SPINK5: variants seen among roughly 807,000 people sequenced by gnomAD.
SPINK5 encodes serine peptidase inhibitor Kazal type 5.
In SPINK5, 125 loss-of-function variants were observed where a neutral mutation model predicts 151.8. That is an observed-to-expected ratio of 0.82 (90% CI 0.71 to 0.96). The LOEUF (loss-of-function observed/expected upper bound fraction) is 0.96, where lower values mean the gene tolerates loss of function less well. Ranked by LOEUF, SPINK5 falls within the 40% of genes least tolerant of loss-of-function variation. SPINK5 has a pLI of 0.00. For missense variants in SPINK5, 1,194 were observed against 1,291.9 expected (o/e 0.92, Z 1.16); for synonymous variants, 374 against 395.3 (o/e 0.95, Z 0.64).
At chr5:148,088,191 A>T (rs1753210517) in intron 5 of SPINK5, among the ~76,000 whole-genome samples, 1 of 151,852 alleles carries the variant, frequency 6.6e-6, no homozygotes, top group African/African-American at 2.4e-5. Flanking sequence ...GACTTTGTTT[A>T]TTTAAAACAA....
chr5:148,120,152 A>C lies in SPINK5; in HGVS notation c.2441+16A>C. ...AGGAAAAACTGTGAGTATGTTTCAA[A>C]ATGAGCTTTTGACTGTGAGTCTTAA... On this transcript the variant is annotated intron_variant, in intron 25 of 32. Coordinates refer to ENST00000256084, the MANE Select transcript of SPINK5 (RefSeq NM_006846.4). 2.5e-6 allele frequency: 4 copies of C among 1,614,116 alleles called. No homozygotes were observed. The highest frequency in any genetic ancestry group is 3.4e-6 in the Non-Finnish European group (4 of 1,179,964).
chr5:148,089,225 G>A, intron 6 of SPINK5: 1 of 539,534 alleles, frequency 1.9e-6, no homozygotes, highest in Non-Finnish European at 3.5e-6. Context: ...AGGAGATTGG[G>A]AGCAAGTTGA....
chr5:148,103,097 C>A (rs1032827576), intron 15 of SPINK5, among the ~76,000 whole-genome samples: 3 of 152,050 alleles, frequency 2.0e-5, no homozygotes, highest in African/African-American at 4.8e-5. Context: ...CATATTTTCC[C>A]ATAGCATTTG....
intron 7 of SPINK5, 136 bp from the exon 8 acceptor site, chr5:148,091,029 G>T (rs72660254): frequency 2.7e-6 from 2 of 730,788 alleles, no homozygotes; most frequent in Non-Finnish European, 4.6e-6. Context: ...CATTGAAGAC[G>T]GAAATGCTTG....
At chr5:148,121,153 A>G (rs1480488101) in intron 26 of SPINK5, among the ~76,000 whole-genome samples, 1 of 150,670 alleles carries the variant, frequency 6.6e-6, no homozygotes, top group Non-Finnish European at 1.5e-5. Flanking sequence ...CAAAAAAAAA[A>G]AAAAAAAAAA....
chr5:148,084,892 A>G (rs1448159553), intron 4 of SPINK5, among the ~76,000 whole-genome samples: 1 of 151,858 alleles, frequency 6.6e-6, no homozygotes, highest in Non-Finnish European at 1.5e-5. Context: ...TTGTGAGAGC[A>G]CTTACTATAA....
intron 11 of SPINK5, 65 bp downstream of exon 11, chr5:148,098,059 C>CTT: frequency 1.3e-6 from 2 of 1,487,844 alleles, no homozygotes; most frequent in Non-Finnish European, 1.9e-6. Flanking sequence ...ATAGAAACAG[C>CTT]TTCTTTCATA....
chr5:148,078,040 T>C (rs997219975), intron 4 of SPINK5, among the ~76,000 whole-genome samples: 2 of 151,112 alleles, frequency 1.3e-5, no homozygotes, highest in Non-Finnish European at 3.0e-5. Context: ...ACAAAGGAAC[T>C]ATAAGCTATC....
At chr5:148,078,927 C>G (rs1752952043) in intron 4 of SPINK5, among the ~76,000 whole-genome samples, 1 of 150,468 alleles carries the variant, frequency 6.6e-6, no homozygotes, top group Non-Finnish European at 1.5e-5. Context: ...AGGATTGGAG[C>G]AGAAATTAGT....
At chr5:148,066,430 T>G (rs964267421) in intron 2 of SPINK5, among the ~76,000 whole-genome samples, 6 of 152,096 alleles carry the variant, frequency 3.9e-5, no homozygotes, top group Non-Finnish European at 8.8e-5. Context: ...CCACGAACAT[T>G]AAAGGAATAA....
In SPINK5 at chr5:148,137,211, T is replaced by G. The variant is rs1477897598; in HGVS notation, c.*220T>G. ...GGTATAAAGACATCTCCACCAAGTC[T>G]GAGCCCTCAAAATGTCCTGATTACA... is the stretch of plus-strand genomic sequence containing the variant. On this transcript the variant is annotated 3_prime_UTR_variant, in exon 33 of 33. Coordinates refer to ENST00000256084, the MANE Select transcript of SPINK5 (RefSeq NM_006846.4). 3 of 612,308 alleles carry G rather than the reference T, an allele frequency of 4.9e-6. No homozygotes were observed. In the Admixed American group the frequency reaches 8.6e-5, roughly 18 times the overall value. The allele number at this position is 612,308 out of a possible 1,614,324, so 37.9% of individuals were successfully genotyped here.
intron 3 of SPINK5, 88 bp downstream of exon 3, chr5:148,070,538 C>T: frequency 1.9e-6 from 3 of 1,552,674 alleles, no homozygotes; most frequent in South Asian, 2.3e-5. Context: ...CTTTCAAGTG[C>T]ATTTTTCTAA....
At chr5:148,075,855 G>A (rs1752864428) in intron 4 of SPINK5, among the ~76,000 whole-genome samples, 1 of 151,700 alleles carries the variant, frequency 6.6e-6, no homozygotes, top group African/African-American at 2.4e-5. Flanking sequence ...TGCCATTGTT[G>A]AAGAAGGCTA....
In SPINK5 at chr5:148,087,419, A is replaced by G. The variant is rs888125848; in HGVS notation, c.410+887A>G. 2.0e-5 allele frequency among the ~76,000 whole-genome samples: 3 copies of G among 151,822 alleles called. No homozygotes were observed. The East Asian group carries it at 5.8e-4, about 30-fold the overall frequency. ...GGGTATTATAATTATTCACTTTTTG[A>G]GATCCTGCAAGCTTTAGCTCTCCTT... On this transcript the variant is annotated intron_variant, in intron 5 of 32. Transcript: ENST00000256084.
rs748786060 is a variant in SPINK5 at position 148,111,909 on chromosome 5, A to C, written c.1820+14A>C. On this transcript the variant is annotated intron_variant, in intron 19 of 32. Coordinates refer to ENST00000256084, the MANE Select transcript of SPINK5 (RefSeq NM_006846.4). ...TGAAGCCTTCTTGTGAGTGGGCGGC[A>C]GCCACTGCTGCTACTGAGTGTGGGA... 2.5e-6 allele frequency: 4 copies of C among 1,613,940 alleles called. No homozygotes were observed. The highest frequency in any genetic ancestry group is 2.5e-6 in the Non-Finnish European group (3 of 1,179,854).
intron 22 of SPINK5, among the ~76,000 whole-genome samples, chr5:148,117,143 A>G (rs1196214389): frequency 2.0e-5 from 3 of 152,228 alleles, no homozygotes; most frequent in African/African-American, 7.2e-5. Flanking sequence ...ACCTTGGAAT[A>G]TCAAAACCAT....
chr5:148,108,661 G>C, intron 17 of SPINK5, 92 bp from the exon 18 acceptor site: 4 of 1,545,994 alleles, frequency 2.6e-6, no homozygotes, highest in Non-Finnish European at 2.6e-6. Flanking sequence ...GAATCTGACT[G>C]TTGGTTTGGA....
At chr5:148,104,853 G>A (rs991721814) in intron 15 of SPINK5, 99 bp from the exon 16 acceptor site, 39 of 1,110,176 alleles carry the variant, frequency 3.5e-5, no homozygotes, top group East Asian at 5.4e-5. Flanking sequence ...CCGAGATCGC[G>A]CCACTGCACT....
chr5:148,082,852 G>A (rs1366498462), intron 4 of SPINK5, among the ~76,000 whole-genome samples: 1 of 14,032 alleles, frequency 7.1e-5, no homozygotes, highest in Non-Finnish European at 1.0e-4. Flanking sequence ...CTCGTGATCC[G>A]CCCGCCTCGG....
Sources: allele counts gnomAD v4.1 joint callset (sites outside exome capture counted in the v4.1 genomes callset), GRCh38; gene constraint gnomAD v4.1.1; transcripts MANE v1.5; gene names NCBI Gene and HGNC (gene_info 2026-07-23, HGNC 2026-07-21).